Variants in NRXN3 observed in about 807,000 individuals in gnomAD.
The protein encoded by NRXN3 is neurexin III.
A neutral mutation model predicts 137.6 loss-of-function variants in NRXN3; 32 were observed. That is an observed-to-expected ratio of 0.23 (90% CI 0.18 to 0.31). The LOEUF (loss-of-function observed/expected upper bound fraction) is 0.31. Ranked by LOEUF, NRXN3 falls within the 10% of genes least tolerant of loss-of-function variation. NRXN3 has a pLI of 1.00. For missense variants in NRXN3, 1,574 were observed against 2,062.5 expected, an observed-to-expected ratio of 0.76 and a Z score of 4.59; for synonymous variants, 798 against 784.5, an observed-to-expected ratio of 1.02 and a Z score of -0.29.
At chr14:78,473,040 G>A (rs2095308666) in intron 4 of NRXN3, among the ~76,000 whole-genome samples, 1 of 151,752 alleles carries the variant, frequency 6.6e-6, no homozygotes, top group Admixed American at 6.6e-5. Context: ...GTAGAGAGAG[G>A]TACAAGGATG....
chr14:79,764,070 G>T (rs2139514668), intron 19 of NRXN3, among the ~76,000 whole-genome samples: 1 of 151,666 alleles, frequency 6.6e-6, no homozygotes, highest in Non-Finnish European at 1.5e-5. Flanking sequence ...ATGTGGCATT[G>T]TTTAATAATA....
At chr14:79,533,979 C>T (rs2097190869) in intron 16 of NRXN3, among the ~76,000 whole-genome samples, 2 of 152,180 alleles carry the variant, frequency 1.3e-5, no homozygotes, top group South Asian at 2.1e-4. Context: ...CAAATGTACT[C>T]CTTAACTTTG....
rs191950401 is a variant in NRXN3, at chr14:78,852,954, C to T, written c.2275+42610C>T. Among the ~76,000 whole-genome samples the T allele has an allele frequency of 1.5e-4, 23 of 151,850 alleles. No homozygotes were observed. The East Asian group carries it at 3.9e-3, about 26-fold the overall frequency. The stretch of plus-strand genomic sequence containing the variant: ...ACATGTGAAGTTTGTCTTTCTGTGC[C>T]TGGCTTATTTCACTTAACATAATGA... On this transcript the variant is annotated intron_variant, in intron 10 of 20. Coordinates refer to ENST00000335750, the MANE Select transcript of NRXN3 (RefSeq NM_001330195.2).
intron 20 of NRXN3, among the ~76,000 whole-genome samples, chr14:79,845,804 G>T (rs2099367008): frequency 6.8e-5 from 6 of 88,734 alleles, no homozygotes; most frequent in South Asian, 5.0e-4. Flanking sequence ...GAGGGAGACG[G>T]GGAGAGAGAG....
At chr14:79,839,626 G>A (rs1479012112) in intron 20 of NRXN3, among the ~76,000 whole-genome samples, 1 of 152,090 alleles carries the variant, frequency 6.6e-6, no homozygotes, top group African/African-American at 2.4e-5. Context: ...TTCCTTTAGT[G>A]TGCAGAAGGT....
chr14:78,849,601 A>G (rs779337761), intron 10 of NRXN3, among the ~76,000 whole-genome samples: 8 of 152,138 alleles, frequency 5.3e-5, no homozygotes, highest in Non-Finnish European at 8.8e-5. Context: ...TTAGTTCAAA[A>G]TGTTCTGTTC....
In NRXN3 at chr14:78,866,699, TA is replaced by T. The variant is rs557988579; in HGVS notation, c.2275+56356del. On this transcript the variant is annotated intron_variant, in intron 10 of 20. Transcript: ENST00000335750. ...CTGGTTATCCTTGTATGATCAAAGA[TA>T]TTATTCAGCAACATTCTGGAGATCA... Among the ~76,000 whole-genome samples the T allele has an allele frequency of 7.6e-4, 116 of 152,110 alleles. 1 individual carries two copies. The highest frequency in any genetic ancestry group is 2.5e-3 in the African/African-American group (104 of 41,474).
intron 16 of NRXN3, among the ~76,000 whole-genome samples, chr14:79,550,048 C>T (rs990465198): frequency 6.6e-6 from 1 of 152,058 alleles, no homozygotes; most frequent in Non-Finnish European, 1.5e-5. Flanking sequence ...CGGCTCACTG[C>T]AACCTCCTCC....
intron 15 of NRXN3, among the ~76,000 whole-genome samples, chr14:79,381,936 C>A (rs2094481656): frequency 6.6e-6 from 1 of 152,096 alleles, no homozygotes; most frequent in Non-Finnish European, 1.5e-5. Flanking sequence ...GCCACATTAT[C>A]CTCTGAATGA....
intron 8 of NRXN3, among the ~76,000 whole-genome samples, chr14:78,788,666 T>C (rs1385331184): frequency 6.6e-6 from 1 of 152,194 alleles, no homozygotes; most frequent in African/African-American, 2.4e-5. Flanking sequence ...AAGGGTCTGC[T>C]CTTAATAGAC....
chr14:79,391,916 G>T (rs748779458), intron 15 of NRXN3, among the ~76,000 whole-genome samples: 11 of 152,178 alleles, frequency 7.2e-5, no homozygotes, highest in Non-Finnish European at 1.3e-4. Context: ...GTGTTTAGAA[G>T]TCTATGTTCT....
chr14:79,103,867 C>A (rs905692909), intron 15 of NRXN3, among the ~76,000 whole-genome samples: 1 of 152,176 alleles, frequency 6.6e-6, no homozygotes, highest in African/African-American at 2.4e-5. Flanking sequence ...ACATACACAT[C>A]TGTACACAAA....
intron 19 of NRXN3, among the ~76,000 whole-genome samples, chr14:79,747,529 C>T (rs1245073492): frequency 6.6e-6 from 1 of 152,036 alleles, no homozygotes; most frequent in African/African-American, 2.4e-5. Context: ...TGGAATTCTA[C>T]AGCTCAAGTC....
chr14:79,617,436 CTTAAA>C (rs1324994818), intron 16 of NRXN3, among the ~76,000 whole-genome samples: 1 of 152,104 alleles, frequency 6.6e-6, no homozygotes, highest in Non-Finnish European at 1.5e-5. Flanking sequence ...ATTTTGCATT[CTTAAA>C]TTCCACTAAA....
chr14:79,086,572 C>G (rs568746511), intron 15 of NRXN3, among the ~76,000 whole-genome samples: 1 of 152,188 alleles, frequency 6.6e-6, no homozygotes, highest in East Asian at 1.9e-4. Flanking sequence ...CAGTTGACCA[C>G]TTTGCACTTG....
intron 4 of NRXN3, among the ~76,000 whole-genome samples, chr14:78,509,626 C>G (rs1177032894): frequency 6.6e-6 from 1 of 152,170 alleles, no homozygotes; most frequent in Non-Finnish European, 1.5e-5. Context: ...GGAGCACCTT[C>G]TGCTCTTCTC....
At chr14:79,237,458 C>T (rs778321245) in intron 15 of NRXN3, among the ~76,000 whole-genome samples, 6 of 151,944 alleles carry the variant, frequency 3.9e-5, no homozygotes, top group East Asian at 3.9e-4. Flanking sequence ...GGGTTGGTTG[C>T]GGGGGACAGG....
At chr14:79,708,648 C>T (rs886826131) in intron 19 of NRXN3, among the ~76,000 whole-genome samples, 2 of 152,036 alleles carry the variant, frequency 1.3e-5, no homozygotes, top group Non-Finnish European at 2.9e-5. Context: ...TGGTTTCATA[C>T]CTTTCTGGTG....
chr14:79,784,614 CTTTTTTTT>C (rs540234381), intron 19 of NRXN3, among the ~76,000 whole-genome samples: 1 of 76,622 alleles, frequency 1.3e-5, no homozygotes, highest in Non-Finnish European at 2.5e-5. Flanking sequence ...TGTTGTGTTG[CTTTTTTTT>C]TTTTTTTTTT....
Sources: allele counts gnomAD v4.1 joint callset (sites outside exome capture counted in the v4.1 genomes callset), GRCh38; gene constraint gnomAD v4.1.1; transcripts MANE v1.5; gene names NCBI Gene and HGNC (gene_info 2026-07-23, HGNC 2026-07-21).